Variants in COL8A1 observed in about 807,000 individuals in gnomAD.
COL8A1 encodes collagen alpha-1(VIII) chain.
COL8A1 carries 21 observed loss-of-function variants against 42.7 expected under a neutral mutation model. That is an observed-to-expected ratio of 0.49 (90% CI 0.35 to 0.71). The LOEUF (loss-of-function observed/expected upper bound fraction) is 0.71. COL8A1 is among the 30% of genes least tolerant of loss of function. The pLI is 0.01. For synonymous variants in COL8A1, 367 were observed against 369.1 expected (o/e 0.99, Z 0.06); for missense variants, 788 against 962.4 (o/e 0.82, Z 2.40).
At chr3:99,682,348 G>A (rs9842935) in intron 1 of COL8A1, among the ~76,000 whole-genome samples, 6,062 of 152,164 alleles carry the variant, frequency 0.04, 218 homozygotes, top group African/African-American at 0.079. Context: ...GCCCTGGGTG[G>A]TCAAGGCTGC....
intron 3 of COL8A1, among the ~76,000 whole-genome samples, chr3:99,792,444 A>G (rs1486213094): frequency 6.6e-6 from 1 of 152,208 alleles, no homozygotes; most frequent in Non-Finnish European, 1.5e-5. Context: ...CATGTTATCC[A>G]TTAGTCCCAG....
intron 2 of COL8A1, among the ~76,000 whole-genome samples, chr3:99,767,603 G>A (rs1941488289): frequency 6.6e-6 from 1 of 152,102 alleles, no homozygotes; most frequent in Non-Finnish European, 1.5e-5. Flanking sequence ...AGAGGATTAG[G>A]AGCATTTCTT....
chr3:99,651,309 G>A (rs1480475582), intron 1 of COL8A1, among the ~76,000 whole-genome samples: 1 of 152,102 alleles, frequency 6.6e-6, no homozygotes, highest in African/African-American at 2.4e-5. Context: ...ACTATACCTG[G>A]GTATCGGAAA....
intron 1 of COL8A1, among the ~76,000 whole-genome samples, chr3:99,669,943 C>A (rs182975296): frequency 6.6e-6 from 1 of 151,906 alleles, no homozygotes; most frequent in East Asian, 1.9e-4. Context: ...TTCATTCCAG[C>A]GGAAAAAATG....
intron 1 of COL8A1, among the ~76,000 whole-genome samples, chr3:99,671,917 T>C (rs767263840): frequency 1.3e-5 from 2 of 152,002 alleles, no homozygotes; most frequent in Non-Finnish European, 2.9e-5. Context: ...GACATCAAAT[T>C]TTGAGAAAAG....
chr3:99,748,843 T>C (rs1448199536), intron 2 of COL8A1, among the ~76,000 whole-genome samples: 2 of 152,272 alleles, frequency 1.3e-5, no homozygotes, highest in South Asian at 2.1e-4. Context: ...ATTAAAAGGG[T>C]CCATTTTATA....
rs558585740 is a variant in COL8A1 at position 99,757,415 on chromosome 3, G to C, written c.-4+12394G>C. Among the ~76,000 whole-genome samples, 6 of 152,128 alleles carry C rather than the reference G, an allele frequency of 3.9e-5. No homozygotes were observed. The South Asian group carries it at 1.2e-3, about 32-fold the overall frequency. Reference sequence around the variant, plus strand: ...ATCTTAGGTTCCTACAGATTTTATGGGGTCTACATTTCTCACCCATTCTTC... The same window carrying C: ...ATCTTAGGTTCCTACAGATTTTATGCGGTCTACATTTCTCACCCATTCTTC... On this transcript the variant is annotated intron_variant, in intron 2 of 3. Transcript: ENST00000652472.
At position 99,773,821 on chromosome 3, in the gene COL8A1, A is replaced by ATATATATATATATAT. The variant is rs1553682081; in HGVS notation, c.-3-16858_-3-16844dup. Among the ~76,000 whole-genome samples, 84 of 60,112 alleles carry ATATATATATATATAT rather than the reference A, an allele frequency of 1.4e-3. 3 individuals are homozygous for ATATATATATATATAT. The highest frequency in any genetic ancestry group is 6.0e-3 in the African/African-American group (80 of 13,322). The allele number at this position is 60,112 out of a possible 152,430, so 39.4% of individuals were successfully genotyped here. On this transcript the variant is annotated intron_variant, in intron 2 of 3. Transcript: ENST00000652472. ...GATGATTATATATATGTGTGTATAT[A>ATATATATATATATAT]TATATATATATATATATTTTTTTTT... is the stretch of plus-strand genomic sequence containing the variant.
intron 1 of COL8A1, among the ~76,000 whole-genome samples, chr3:99,650,797 A>T (rs559093527): frequency 6.6e-6 from 1 of 152,352 alleles, no homozygotes; most frequent in South Asian, 2.1e-4. Context: ...TTAAATAACC[A>T]CATGTGGCTA....
intron 2 of COL8A1, among the ~76,000 whole-genome samples, chr3:99,755,566 G>C (rs1941237888): frequency 6.6e-6 from 1 of 152,126 alleles, no homozygotes; most frequent in Admixed American, 6.6e-5. Flanking sequence ...TGATCATGAA[G>C]AAAAATCAAA....
Position 99,751,378 on chromosome 3 carries a change from C to T in COL8A1, c.-4+6357C>T, listed in dbSNP as rs569191118. Among the ~76,000 whole-genome samples the T allele has an allele frequency of 5.9e-5, 9 of 152,110 alleles. No homozygotes were observed. The South Asian group carries it at 1.2e-3, about 21-fold the overall frequency. ...TTTGAGACCAGCCTGGCCAACATGG[C>T]GAAACCCTGCCTCTACTACAAATAC... On this transcript the variant is annotated intron_variant, in intron 2 of 3. Coordinates refer to ENST00000652472, the MANE Select transcript of COL8A1 (RefSeq NM_020351.4).
chr3:99,795,958 T>G lies in COL8A1; in HGVS notation c.2057T>G (p.Met686Arg), dbSNP rs1942100218. The change falls in exon 4 of 4, where the codon ATG (methionine) becomes AGG (arginine). Residue 686 changes from methionine (M) to arginine (R), a missense_variant. Physicochemically the swap from Met to Arg is moderately conservative, Grantham distance 91 (BLOSUM62 -1). This residue lies in a region of COL8A1 where 212 missense variants were observed against 210.9 expected (regional missense o/e 1.00). Coordinates refer to ENST00000652472, the MANE Select transcript of COL8A1 (RefSeq NM_020351.4). ...VALFKNNEPVMYTYDEYKKGF... is the reference protein window; with the variant it reads ...VALFKNNEPVRYTYDEYKKGF... Reference sequence around the variant, plus strand: ...CTATTCAAGAACAACGAGCCCGTGATGTACACGTACGACGAGTACAAAAAG... The same window carrying G: ...CTATTCAAGAACAACGAGCCCGTGAGGTACACGTACGACGAGTACAAAAAG... 6.2e-7 allele frequency: 1 copy of G among 1,614,048 alleles called. No individual in the cohort carries two copies. Among genetic ancestry groups the G allele is most frequent in the African/African-American group, 1.3e-5 (1 of 74,936 alleles).
At chr3:99,698,889 G>A (rs531423883) in intron 1 of COL8A1, among the ~76,000 whole-genome samples, 26 of 152,146 alleles carry the variant, frequency 1.7e-4, no homozygotes, top group Non-Finnish European at 3.1e-4. Context: ...TGCCAATAAC[G>A]TGAGCTCTAA....
At chr3:99,727,801 A>G (rs909196473) in intron 1 of COL8A1, among the ~76,000 whole-genome samples, 1 of 151,798 alleles carries the variant, frequency 6.6e-6, no homozygotes, top group African/African-American at 2.4e-5. Flanking sequence ...CCATGATCAA[A>G]TGGGCTTCAT....
chr3:99,744,094 A>G (rs1940965788), intron 1 of COL8A1, among the ~76,000 whole-genome samples: 1 of 151,966 alleles, frequency 6.6e-6, no homozygotes, highest in African/African-American at 2.4e-5. Context: ...ACACCTGGCT[A>G]ATTTTTTGTA....
At position 99,645,759 on chromosome 3, in the gene COL8A1, A is replaced by C. The variant is rs563294050; in HGVS notation, c.-129+7095A>C. 2.6e-5 allele frequency among the ~76,000 whole-genome samples: 4 copies of C among 152,158 alleles called. No homozygotes were observed. The East Asian group carries it at 7.7e-4, about 29-fold the overall frequency. On this transcript the variant is annotated intron_variant, in intron 1 of 3. Coordinates refer to ENST00000652472, the MANE Select transcript of COL8A1 (RefSeq NM_020351.4). ...ATAAATCACCCACATTTCTGGCATT[A>C]GCAATGCCTGAAATGTCCGGGCTTG...
chr3:99,736,484 A>T (rs924182138), intron 1 of COL8A1, among the ~76,000 whole-genome samples: 1 of 152,022 alleles, frequency 6.6e-6, no homozygotes, highest in African/African-American at 2.4e-5. Context: ...TCATTTCGTT[A>T]TGTACCCAGT....
intron 1 of COL8A1, among the ~76,000 whole-genome samples, chr3:99,726,886 G>T (rs1221192514): frequency 6.6e-6 from 1 of 152,084 alleles, no homozygotes; most frequent in African/African-American, 2.4e-5. Flanking sequence ...GATTGACTTG[G>T]CGATGCGGGC....
chr3:99,771,983 T>C (rs1316053958), intron 2 of COL8A1, among the ~76,000 whole-genome samples: 1 of 152,206 alleles, frequency 6.6e-6, no homozygotes, highest in Non-Finnish European at 1.5e-5. Flanking sequence ...TTGTCAGTCA[T>C]GAATACCTTC....
Sources: gnomAD v4.1 joint callset for allele counts (sites outside exome capture counted in the v4.1 genomes callset) on GRCh38, gnomAD v4.1.1 for gene constraint, gnomAD v4.1.1 regional missense constraint, MANE v1.5 for transcripts, NCBI Gene and HGNC (gene_info 2026-07-23, HGNC 2026-07-21) for gene names.